The following NOXA1 variants were observed in gnomAD, a reference collection of about 807,000 sequenced individuals.
NOXA1 encodes the protein NCF2-like protein.
NOXA1 carries 56 observed loss-of-function variants against 64.8 expected under a neutral mutation model. That is an observed-to-expected ratio of 0.86 (90% CI 0.70 to 1.08). The LOEUF is 1.08. Among genes scored for constraint, NOXA1 ranks in the 50% least tolerant of loss-of-function variants. The pLI is 0.00. For synonymous variants in NOXA1, 295 were observed against 294.8 expected, an observed-to-expected ratio of 1.00 and a Z score of -0.01; for missense variants, 668 against 658.5, an observed-to-expected ratio of 1.01 and a Z score of -0.16.
chr9:137,433,663 G>T, intron 11 of NOXA1, 56 bp downstream of exon 11: 1 of 1,517,194 alleles, frequency 6.6e-7, no homozygotes, highest in Admixed American at 2.0e-5. Flanking sequence ...CCCGACTGAG[G>T]CAGCTGCTGG....
chr9:137,429,496 G>A, intron 5 of NOXA1, 113 bp downstream of exon 5: 1 of 746,536 alleles, frequency 1.3e-6, no homozygotes, highest in South Asian at 1.9e-5. Flanking sequence ...CAGGAGGGTA[G>A]AGAGTGGGCC....
chr9:137,429,770 G>A (rs542972254), intron 5 of NOXA1, among the ~76,000 whole-genome samples: 157 of 136,330 alleles, frequency 1.2e-3, no homozygotes, highest in African/African-American at 3.0e-3. Flanking sequence ...GCGAGGTCCC[G>A]GGGGGGTCCC....
chr9:137,431,234 A>G lies in NOXA1; in HGVS notation c.699-2A>G, dbSNP rs1839094735. ...GCCTGAGAGCCTCCCTCCTCTCCCT[A>G]GGTCCCTAATCATGGACTCCCCAAG... On this transcript the variant is annotated splice_acceptor_variant, in intron 7 of 13. Coordinates refer to ENST00000683555, the MANE Select transcript of NOXA1 (RefSeq NM_001256067.2). LOFTEE classifies it high-confidence loss of function. This position sits in a 1 kb window ranked among gnomAD's most constrained non-coding sequence, Gnocchi z 5.6. 6.2e-7 allele frequency: 1 copy of G among 1,611,812 alleles called. No individual in the cohort carries two copies. Among genetic ancestry groups the G allele is most frequent in the Non-Finnish European group, 8.5e-7 (1 of 1,179,258 alleles).
chr9:137,434,331 C>T lies in NOXA1; in HGVS notation c.1402C>T (p.Pro468Ser). ...PRMSGAPGRLPRSQQGDQP is the reference protein window; with the variant it reads ...PRMSGAPGRLSRSQQGDQP ...GATGTCAGGAGCCCCCGGCCGCCTG[C>T]CCCGATCCCAGCAGGGAGATCAGCC... is the stretch of plus-strand genomic sequence containing the variant. The change falls in exon 14 of 14, where the codon CCC becomes TCC. Residue 468 changes from proline to serine, a missense_variant. Transcript: ENST00000683555. 6.2e-7 allele frequency: 1 copy of T among 1,605,732 alleles called. No individual in the cohort carries two copies. The highest frequency in any genetic ancestry group is 8.5e-7 in the Non-Finnish European group (1 of 1,177,252).
Position 137,431,787 on chromosome 9 carries a change from C to T in NOXA1, c.804+446C>T, listed in dbSNP as rs1839120029. ...CCGAGTCCTCCCGGACACCCCGGCA[C>T]CTGGGGAGAGGCGGAGGAAGGCAGG... On this transcript the variant is annotated intron_variant, in intron 8 of 13. Transcript: ENST00000683555. This position sits in a 1 kb window ranked among gnomAD's most constrained non-coding sequence, Gnocchi z 5.6. 6.6e-6 allele frequency among the ~76,000 whole-genome samples: 1 copy of T among 152,182 alleles called. No homozygotes were observed. Among genetic ancestry groups the T allele is most frequent in the Non-Finnish European group, 1.5e-5 (1 of 68,014 alleles).
At position 137,431,397 on chromosome 9, in the gene NOXA1, C is replaced by T. The variant is rs1839104476; in HGVS notation, c.804+56C>T. On this transcript the variant is annotated intron_variant, in intron 8 of 13. Transcript: ENST00000683555. The surrounding 1 kb of genome is among the most constrained non-coding windows in gnomAD (Gnocchi z 5.6). ...GGGGTCGGTGCTTCTGCTGCCTCCG[C>T]AGACTGGGGACCACAATGGGACCAA... 1 of 1,412,246 alleles carries T rather than the reference C, an allele frequency of 7.1e-7. No individual in the cohort carries two copies. 87.5% of individuals were successfully genotyped at this position (1,412,246 alleles called of 1,614,324 possible).
intron 1 of NOXA1, among the ~76,000 whole-genome samples, chr9:137,425,957 C>T (rs1309603703): frequency 1.3e-5 from 2 of 152,078 alleles, no homozygotes; most frequent in Non-Finnish European, 2.9e-5. Context: ...TACTGGAACA[C>T]TTTTTTCTGG....
Position 137,423,614 on chromosome 9 carries a change from CT to C in NOXA1, c.86del (p.Leu29ProfsTer37). The C allele has an allele frequency of 6.8e-7, 1 of 1,469,164 alleles. No homozygotes were observed. The highest frequency in any genetic ancestry group is 9.0e-7 in the Non-Finnish European group (1 of 1,111,046). The allele number at this position is 1,469,164 out of a possible 1,614,324, so 91.0% of individuals were successfully genotyped here. A position where few individuals can be genotyped will look rare whatever the true frequency, so the allele number is the denominator to read the frequency against. On this transcript the variant is annotated frameshift_variant, in exon 1 of 14. Coordinates refer to ENST00000683555, the MANE Select transcript of NOXA1 (RefSeq NM_001256067.2). LOFTEE classifies it high-confidence loss of function. ...TGGGGACTGGGCCCGCGCCTTGCAC[CT>C]CTTCTCGGGCGTCCCGGCGCCGCCC... ...DRGDWARALH[L>X]FSGVPAPPAR...
rs1249747526 is a variant in NOXA1, at chr9:137,431,164, T to C, written c.698+64T>C. 6.2e-7 allele frequency: 1 copy of C among 1,610,894 alleles called. No homozygotes were observed. The highest frequency in any genetic ancestry group is 2.2e-5 in the East Asian group (1 of 44,806). ...TCCTGCTGGGCAGAGGCCCTCCACA[T>C]GGGGCCACGCGGGCCGGGCACAGGA... On this transcript the variant is annotated intron_variant, in intron 7 of 13. Transcript: ENST00000683555. The surrounding 1 kb of genome is among the most constrained non-coding windows in gnomAD (Gnocchi z 5.6).
chr9:137,426,365 G>C, intron 2 of NOXA1, 35 bp downstream of exon 2: 1 of 1,577,032 alleles, frequency 6.3e-7, no homozygotes, highest in Non-Finnish European at 8.7e-7. Flanking sequence ...TTCTCTGACG[G>C]CCCTTTGTCT....
intron 1 of NOXA1, among the ~76,000 whole-genome samples, chr9:137,424,903 A>C (rs1477735063): frequency 2.6e-5 from 4 of 152,194 alleles, no homozygotes; most frequent in South Asian, 2.1e-4. Flanking sequence ...CGACTAACCC[A>C]CAGCATATGC....
At position 137,426,300 on chromosome 9, in the gene NOXA1, A is replaced by G; in HGVS notation, c.230A>G (p.Gln77Arg). 6.2e-7 allele frequency: 1 copy of G among 1,613,802 alleles called. No homozygotes were observed. Among genetic ancestry groups the G allele is most frequent in the Non-Finnish European group, 8.5e-7 (1 of 1,179,976 alleles). The change falls in exon 2 of 14, where the codon CAG (glutamine) becomes CGG (arginine). Residue 77 changes from glutamine (Q) to arginine (R), a missense_variant. Transcript: ENST00000683555. Reference sequence around the variant, plus strand: ...ACCTGCATGGCGGTTGGCTTCTTCCAGCGAGGAGTGGCCAACTTCCAGCTG... The same window carrying G: ...ACCTGCATGGCGGTTGGCTTCTTCCGGCGAGGAGTGGCCAACTTCCAGCTG... ...KDTCMAVGFF[Q>R]RGVANFQLAR...
chr9:137,433,764 G>A lies in NOXA1; in HGVS notation c.1079G>A (p.Gly360Asp). The A allele has an allele frequency of 6.9e-7, 1 of 1,457,838 alleles. No individual in the cohort carries two copies. Among genetic ancestry groups the A allele is most frequent in the South Asian group, 1.4e-5 (1 of 70,006 alleles). 90.3% of individuals were successfully genotyped at this position (1,457,838 alleles called of 1,614,324 possible). The change falls in exon 12 of 14, where the codon GGT becomes GAT. Residue 360 changes from glycine to aspartate, a missense_variant. Physicochemically the swap from Gly to Asp is moderately conservative, Grantham distance 94 (BLOSUM62 -1). Coordinates refer to ENST00000683555, the MANE Select transcript of NOXA1 (RefSeq NM_001256067.2). ...TCTCTTTGCAGTTACCTAGCCCCAG[G>A]TGAGGACGGGCACTGGGTCCCCATC... ...QLGQLSYLAP[G>D]EDGHWVPIPE...
At chr9:137,433,418 C>T in intron 10 of NOXA1, 35 bp from the exon 11 acceptor site, 2 of 1,571,728 alleles carry the variant, frequency 1.3e-6, no homozygotes, top group African/African-American at 1.3e-5. Context: ...CCCTGGGCCT[C>T]AGCGACCACC....
intron 1 of NOXA1, 80 bp from the exon 2 acceptor site, chr9:137,426,166 CCT>C (rs1838840612): frequency 7.8e-7 from 1 of 1,276,302 alleles, no homozygotes; most frequent in Non-Finnish European, 1.1e-6. Context: ...ATTCCGTGGC[CCT>C]GTCACCCATC....
chr9:137,432,390 T>A (rs183536220), intron 8 of NOXA1, among the ~76,000 whole-genome samples: 8 of 151,598 alleles, frequency 5.3e-5, no homozygotes, highest in African/African-American at 1.9e-4. Context: ...CCATCCCGGC[T>A]AACATGGTGA....
At chr9:137,433,378 C>A in intron 10 of NOXA1, 75 bp from the exon 11 acceptor site, 1 of 1,514,752 alleles carries the variant, frequency 6.6e-7, no homozygotes. Flanking sequence ...TCTGTCCACA[C>A]CCCTCGGGCT....
At position 137,431,159 on chromosome 9, in the gene NOXA1, C is replaced by G; in HGVS notation, c.698+59C>G. On this transcript the variant is annotated intron_variant, in intron 7 of 13. Transcript: ENST00000683555. The surrounding 1 kb of genome is among the most constrained non-coding windows in gnomAD (Gnocchi z 5.6). ...GCCTTTCCTGCTGGGCAGAGGCCCT[C>G]CACATGGGGCCACGCGGGCCGGGCA... The G allele has an allele frequency of 2.5e-6, 4 of 1,611,300 alleles. No individual in the cohort carries two copies. The highest frequency in any genetic ancestry group is 3.4e-6 in the Non-Finnish European group (4 of 1,178,886).
Position 137,423,417 on chromosome 9 carries a change from C to G in NOXA1, c.-113C>G. On this transcript the variant is annotated 5_prime_UTR_variant, in exon 1 of 14. Coordinates refer to ENST00000683555, the MANE Select transcript of NOXA1 (RefSeq NM_001256067.2). The stretch of plus-strand genomic sequence containing the variant: ...CAGCGGGGTTGCACCTGGCGCTTGG[C>G]GCCCGCACCTCTGCCCGCCTCGGAG... 1 of 618,988 alleles carries G rather than the reference C, an allele frequency of 1.6e-6. No homozygotes were observed. The highest frequency in any genetic ancestry group is 5.0e-5 in the East Asian group (1 of 19,926). 38.3% of individuals were successfully genotyped at this position (618,988 alleles called of 1,614,324 possible). A position where few individuals can be genotyped will look rare whatever the true frequency, so the allele number is the denominator to read the frequency against.
Sources: gnomAD v4.1 joint callset for allele counts (sites outside exome capture counted in the v4.1 genomes callset) on GRCh38, gnomAD v4.1.1 for gene constraint, Gnocchi (gnomAD v3.1) non-coding constraint, MANE v1.5 for transcripts, NCBI Gene and HGNC (gene_info 2026-07-23, HGNC 2026-07-21) for gene names.